The following FBXL5 variants were observed in gnomAD, a reference collection of about 807,000 sequenced individuals.
FBXL5 encodes F-box/LRR-repeat protein 5.
In FBXL5, 26 loss-of-function variants were observed where a neutral mutation model predicts 78.3. That is an observed-to-expected ratio of 0.33 (90% CI 0.24 to 0.46). FBXL5 has a LOEUF of 0.46. Among genes scored for constraint, FBXL5 ranks in the 20% least tolerant of loss-of-function variants. The pLI, the probability that FBXL5 is intolerant of heterozygous loss-of-function variation, is 1.00. For missense variants in FBXL5, 710 were observed against 829.2 expected, an observed-to-expected ratio of 0.86 and a Z score of 1.77; for synonymous variants, 295 against 282.5, an observed-to-expected ratio of 1.04 and a Z score of -0.45.
chr4:15,646,340 G>A (rs975298920), intron 1 of FBXL5, among the ~76,000 whole-genome samples: 2 of 150,434 alleles, frequency 1.3e-5, no homozygotes, highest in African/African-American at 4.9e-5. Context: ...ACACAGGCAG[G>A]ACATACTTGG....
chr4:15,605,550 G>A lies in FBXL5; in HGVS notation c.*173C>T. The A allele has an allele frequency of 1.7e-6, 1 of 578,020 alleles. No individual in the cohort carries two copies. Among genetic ancestry groups the A allele is most frequent in the South Asian group, 2.3e-5 (1 of 44,410 alleles). The allele number at this position is 578,020 out of a possible 1,614,324, so 35.8% of individuals were successfully genotyped here. A position where few individuals can be genotyped will look rare whatever the true frequency, so the allele number is the denominator to read the frequency against. ...TAAACCAAAAGTATAATTTGCAAGA[G>A]AAACAACATTACAATTCACTGGTAA... On this transcript the variant is annotated 3_prime_UTR_variant, in exon 11 of 11. Coordinates refer to ENST00000341285, the MANE Select transcript of FBXL5 (RefSeq NM_012161.4).
chr4:15,644,411 TA>T lies in FBXL5; in HGVS notation c.300+81del, dbSNP rs368862062. The T allele has an allele frequency of 7.8e-4, 869 of 1,120,318 alleles. 7 individuals carry two copies. The African/African-American group carries it at 0.012, about 16-fold the overall frequency. 69.4% of individuals were successfully genotyped at this position (1,120,318 alleles called of 1,614,324 possible). A position where few individuals can be genotyped will look rare whatever the true frequency, so the allele number is the denominator to read the frequency against. On this transcript the variant is annotated intron_variant, in intron 2 of 10. Coordinates refer to ENST00000341285, the MANE Select transcript of FBXL5 (RefSeq NM_012161.4). The stretch of plus-strand genomic sequence containing the variant: ...TTTTTCAACATTACATCATTTACTA[TA>T]AAACAGTGACAAGTTTTGCCAATGA...
intron 1 of FBXL5, among the ~76,000 whole-genome samples, chr4:15,672,668 A>G (rs1402103180): frequency 6.6e-6 from 1 of 152,200 alleles, no homozygotes; most frequent in Non-Finnish European, 1.5e-5. Context: ...GGTGAGTGAA[A>G]GTGAAGGCCT....
chr4:15,638,489 TTATA>T lies in FBXL5; in HGVS notation c.583+15_583+18del. On this transcript the variant is annotated intron_variant, in intron 4 of 10. Coordinates refer to ENST00000341285, the MANE Select transcript of FBXL5 (RefSeq NM_012161.4). The stretch of plus-strand genomic sequence containing the variant: ...GACCTTACAACTAATAAATTGTTCT[TTATA>T]TATATGAATCTCACCTTTATCTGAC... 1.9e-6 allele frequency: 3 copies of T among 1,545,146 alleles called. No individual in the cohort carries two copies. The highest frequency in any genetic ancestry group is 2.6e-6 in the Non-Finnish European group (3 of 1,146,352).
At chr4:15,656,302 G>C, upstream of FBXL5, 1 of 456,246 alleles carries the variant, frequency 2.2e-6, no homozygotes, top group Non-Finnish European at 4.4e-6. Context: ...TCTGTTCTCT[G>C]CTCACGCCGG....
intron 3 of FBXL5, among the ~76,000 whole-genome samples, chr4:15,640,121 G>A (rs2148644435): frequency 6.6e-6 from 1 of 152,270 alleles, no homozygotes; most frequent in Non-Finnish European, 1.5e-5. Context: ...GCTCACTGCA[G>A]TCTCAACCTC....
At chr4:15,613,698 CTTTT>C (rs765654620) in intron 9 of FBXL5, among the ~76,000 whole-genome samples, 15 of 152,042 alleles carry the variant, frequency 9.9e-5, no homozygotes, top group South Asian at 8.3e-4. Context: ...GAAGTTCTTT[CTTTT>C]GTTTGTTCAA....
chr4:15,616,500 T>C (rs943244023), intron 9 of FBXL5, among the ~76,000 whole-genome samples: 1 of 152,212 alleles, frequency 6.6e-6, no homozygotes, highest in African/African-American at 2.4e-5. Context: ...GTTTCATGCC[T>C]GCCCATCTGC....
intron 1 of FBXL5, among the ~76,000 whole-genome samples, chr4:15,647,968 T>G (rs1199467205): frequency 3.3e-5 from 5 of 152,192 alleles, no homozygotes; most frequent in Admixed American, 6.5e-5. Flanking sequence ...ATCCTCCTGC[T>G]GGCCTCAGCC....
intron 1 of FBXL5, among the ~76,000 whole-genome samples, chr4:15,666,101 A>G (rs11939541): frequency 0.28 from 42,064 of 151,842 alleles, 6,074 homozygotes; most frequent in East Asian, 0.47. Context: ...TTTCAGTTTA[A>G]AAATATGAAT....
chr4:15,640,347 G>A (rs1168588364), intron 3 of FBXL5, among the ~76,000 whole-genome samples: 1 of 117,632 alleles, frequency 8.5e-6, no homozygotes, highest in Non-Finnish European at 1.6e-5. Flanking sequence ...GCCCAGCCAA[G>A]ACTAATACAT....
At chr4:15,635,621 T>C (rs1714167738) in intron 5 of FBXL5, among the ~76,000 whole-genome samples, 1 of 150,852 alleles carries the variant, frequency 6.6e-6, no homozygotes, top group African/African-American at 2.4e-5. Flanking sequence ...GGTGTGGTGG[T>C]GCACGCCTGT....
At chr4:15,616,849 G>T (rs528900739) in intron 9 of FBXL5, among the ~76,000 whole-genome samples, 2 of 152,306 alleles carry the variant, frequency 1.3e-5, no homozygotes, top group Non-Finnish European at 2.9e-5. Context: ...TGAGGATGTT[G>T]TGTTCAGAGG....
At chr4:15,654,482 G>C (rs1023475997) in intron 1 of FBXL5, among the ~76,000 whole-genome samples, 1 of 151,494 alleles carries the variant, frequency 6.6e-6, no homozygotes, top group Non-Finnish European at 1.5e-5. Flanking sequence ...CCCTTTATTC[G>C]AGCTCATATA....
chr4:15,636,368 A>T (rs1714265954), intron 5 of FBXL5, 126 bp downstream of exon 5: 3 of 717,628 alleles, frequency 4.2e-6, no homozygotes, highest in Non-Finnish European at 6.1e-6. Context: ...CCAAAACATC[A>T]TCTAACTATA....
At chr4:15,636,771 G>A in intron 4 of FBXL5, 95 bp from the exon 5 acceptor site, 1 of 854,182 alleles carries the variant, frequency 1.2e-6, no homozygotes, top group African/African-American at 1.8e-5. Flanking sequence ...TCCAGTGCCT[G>A]AAGTCAATTC....
rs553633057 is a variant in FBXL5, at chr4:15,629,603, T to C, written c.892+1063A>G. On this transcript the variant is annotated intron_variant, in intron 6 of 10. Transcript: ENST00000341285. ...GCCAGTTTTGTTTTGCTTTTTTCCA[T>C]TTTGTTCACCATTAGATCCTTCATA... 9.2e-5 allele frequency among the ~76,000 whole-genome samples: 14 copies of C among 152,270 alleles called. No homozygotes were observed. The East Asian group carries it at 2.3e-3, about 25-fold the overall frequency.
intron 2 of FBXL5, among the ~76,000 whole-genome samples, chr4:15,642,844 A>C (rs751172582): frequency 1.1e-4 from 16 of 152,186 alleles, no homozygotes; most frequent in Non-Finnish European, 1.8e-4. Flanking sequence ...GTCAAGAATG[A>C]ATCTTTTTTA....
intron 9 of FBXL5, among the ~76,000 whole-genome samples, chr4:15,617,591 G>A (rs1469867125): frequency 1.3e-5 from 2 of 150,556 alleles, no homozygotes; most frequent in Non-Finnish European, 3.0e-5. Flanking sequence ...TATACACCAT[G>A]AAATACTATG....
Sources: allele counts gnomAD v4.1 joint callset (sites outside exome capture counted in the v4.1 genomes callset), GRCh38; gene constraint gnomAD v4.1.1; transcripts MANE v1.5; gene names NCBI Gene and HGNC (gene_info 2026-07-23, HGNC 2026-07-21).